The following PTPRT variants were observed in gnomAD, a reference collection of about 807,000 sequenced individuals.
The protein encoded by PTPRT is receptor-type tyrosine-protein phosphatase T.
In PTPRT, 56 loss-of-function variants were observed where a neutral mutation model predicts 176.8. That is an observed-to-expected ratio of 0.32 (90% CI 0.26 to 0.40). The LOEUF (loss-of-function observed/expected upper bound fraction) is 0.40. PTPRT is among the 10% of genes least tolerant of loss of function. PTPRT has a pLI of 1.00. For missense variants in PTPRT, 1,540 were observed against 1,908.2 expected, an observed-to-expected ratio of 0.81 and a Z score of 3.60; for synonymous variants, 783 against 739.0, an observed-to-expected ratio of 1.06 and a Z score of -0.96.
intron 6 of PTPRT, among the ~76,000 whole-genome samples, chr20:42,740,865 G>A (rs1162445791): frequency 6.6e-6 from 1 of 152,154 alleles, no homozygotes; most frequent in East Asian, 1.9e-4. Context: ...AAGGGCACTT[G>A]TAAGGGCAGA....
chr20:42,401,281 T>C (rs1028690922), intron 9 of PTPRT, among the ~76,000 whole-genome samples: 1 of 152,082 alleles, frequency 6.6e-6, no homozygotes, highest in Non-Finnish European at 1.5e-5. Flanking sequence ...CCACCATCTC[T>C]TCTGAATATT....
At chr20:42,683,324 C>T (rs1273718213) in intron 6 of PTPRT, among the ~76,000 whole-genome samples, 1 of 122,232 alleles carries the variant, frequency 8.2e-6, no homozygotes, top group African/African-American at 3.2e-5. Flanking sequence ...GTCACCCAGG[C>T]TGGAGTGCAG....
At chr20:43,085,709 A>G (rs2011585564) in intron 1 of PTPRT, among the ~76,000 whole-genome samples, 1 of 152,136 alleles carries the variant, frequency 6.6e-6, no homozygotes, top group Non-Finnish European at 1.5e-5. Context: ...ACAGCACGCG[A>G]AAAACCCTCC....
rs796235947 is a variant in PTPRT at position 42,565,895 on chromosome 20, A to C, written c.1154-93333T>G. On this transcript the variant is annotated intron_variant, in intron 7 of 30. Coordinates refer to ENST00000373187, the MANE Select transcript of PTPRT (RefSeq NM_007050.6). ...CCTTCCTCCCTGCTTTTATTAATGC[A>C]ATTTTCTCTGCTTCATATACACTCC... Among the ~76,000 whole-genome samples the C allele has an allele frequency of 4.6e-5, 7 of 152,042 alleles. 1 individual carries two copies. The highest frequency in any genetic ancestry group is 1.7e-4 in the African/African-American group (7 of 41,476).
chr20:42,401,780 GC>G (rs1291892176), intron 9 of PTPRT, among the ~76,000 whole-genome samples: 5 of 152,178 alleles, frequency 3.3e-5, no homozygotes, highest in Non-Finnish European at 5.9e-5. Context: ...GTCACTGCCA[GC>G]CCGATCACCA....
chr20:42,783,043 G>A (rs2077236966), intron 3 of PTPRT, among the ~76,000 whole-genome samples: 1 of 152,150 alleles, frequency 6.6e-6, no homozygotes, highest in Non-Finnish European at 1.5e-5. Context: ...TCCATTCAAA[G>A]GCTTATGGCT....
intron 6 of PTPRT, among the ~76,000 whole-genome samples, chr20:42,747,374 A>G (rs889512299): frequency 6.6e-6 from 1 of 152,176 alleles, no homozygotes; most frequent in Non-Finnish European, 1.5e-5. Context: ...TCTAGCAGGA[A>G]ATAAGGCTTA....
chr20:42,536,740 A>C lies in PTPRT; in HGVS notation c.1154-64178T>G, dbSNP rs565206220. Reference sequence around the variant, plus strand: ...TGAGATGCCATTTTTGGCTCATTAGACTGGCAGAAATGAAAACTTTTTTTG... The same window carrying C: ...TGAGATGCCATTTTTGGCTCATTAGCCTGGCAGAAATGAAAACTTTTTTTG... On this transcript the variant is annotated intron_variant, in intron 7 of 30. Coordinates refer to ENST00000373187, the MANE Select transcript of PTPRT (RefSeq NM_007050.6). Among the ~76,000 whole-genome samples the C allele has an allele frequency of 2.0e-5, 3 of 152,316 alleles. No individual in the cohort carries two copies. In the South Asian group the frequency reaches 6.2e-4, roughly 32 times the overall value.
intron 9 of PTPRT, among the ~76,000 whole-genome samples, chr20:42,383,471 G>A (rs2058715454): frequency 6.6e-6 from 1 of 151,984 alleles, no homozygotes; most frequent in Non-Finnish European, 1.5e-5. Context: ...TAACCTTGAA[G>A]CAGTCTCACC....
Position 43,181,479 on chromosome 20 carries a change from C to T in PTPRT, c.88+8167G>A, listed in dbSNP as rs371054521. On this transcript the variant is annotated intron_variant, in intron 1 of 30. Transcript: ENST00000373187. Reference sequence around the variant, plus strand: ...GGGCCCAGGCACTTGGAGGCCAATTCCAAGATGCTAAAGAAAAAAAGACAC... The same window carrying T: ...GGGCCCAGGCACTTGGAGGCCAATTTCAAGATGCTAAAGAAAAAAAGACAC... Among the ~76,000 whole-genome samples the T allele has an allele frequency of 7.2e-5, 11 of 152,178 alleles. No homozygotes were observed. The South Asian group carries it at 1.9e-3, about 26-fold the overall frequency.
chr20:42,482,551 C>A (rs983518080), intron 7 of PTPRT, among the ~76,000 whole-genome samples: 1 of 152,122 alleles, frequency 6.6e-6, no homozygotes, highest in Non-Finnish European at 1.5e-5. Context: ...CCTCTGTGCC[C>A]TTATGGTGTA....
intron 4 of PTPRT, among the ~76,000 whole-genome samples, chr20:42,773,745 A>C (rs1311875607): frequency 6.6e-6 from 1 of 152,216 alleles, no homozygotes; most frequent in African/African-American, 2.4e-5. Flanking sequence ...AATAGAGTGA[A>C]CCTTGGAAGC....
intron 15 of PTPRT, among the ~76,000 whole-genome samples, chr20:42,213,810 C>T (rs571043228): frequency 3.3e-5 from 5 of 152,172 alleles, no homozygotes; most frequent in African/African-American, 1.2e-4. Context: ...GGAGCCTGAC[C>T]CCTCCAACAC....
At chr20:42,507,926 C>T (rs545612485) in intron 7 of PTPRT, among the ~76,000 whole-genome samples, 2 of 151,274 alleles carry the variant, frequency 1.3e-5, no homozygotes, top group African/African-American at 4.9e-5. Context: ...AAAGGGGTCA[C>T]ATAGGTAGCC....
the PTPRT span, among the ~76,000 whole-genome samples, chr20:42,045,075 G>A: frequency 3.9e-5 from 6 of 152,086 alleles, no homozygotes; most frequent in African/African-American, 1.4e-4. Flanking sequence ...AGGTCTACCT[G>A]GATTATCCAG....
chr20:42,224,969 A>T (rs1025296049), intron 15 of PTPRT, among the ~76,000 whole-genome samples: 4 of 152,150 alleles, frequency 2.6e-5, no homozygotes. Flanking sequence ...GACCCCATTC[A>T]ACCCCAGCTC....
At chr20:42,681,713 G>A (rs979870291) in intron 6 of PTPRT, among the ~76,000 whole-genome samples, 26 of 152,170 alleles carry the variant, frequency 1.7e-4, no homozygotes, top group African/African-American at 5.3e-4. Flanking sequence ...ACAAAGAGAA[G>A]TCAGGAGAGA....
At chr20:42,769,510 T>C (rs1402279586) in intron 5 of PTPRT, among the ~76,000 whole-genome samples, 3 of 152,208 alleles carry the variant, frequency 2.0e-5, no homozygotes, top group Non-Finnish European at 4.4e-5. Flanking sequence ...AGAACTTTCA[T>C]AGACTGCTGG....
chr20:42,763,188 A>G (rs1168215411), intron 5 of PTPRT, among the ~76,000 whole-genome samples: 1 of 152,192 alleles, frequency 6.6e-6, no homozygotes, highest in African/African-American at 2.4e-5. Context: ...GCCATTTTGC[A>G]ATTCCCCATC....
Sources: gnomAD v4.1 joint callset for allele counts (sites outside exome capture counted in the v4.1 genomes callset) on GRCh38, gnomAD v4.1.1 for gene constraint, MANE v1.5 for transcripts, NCBI Gene and HGNC (gene_info 2026-07-23, HGNC 2026-07-21) for gene names.